EGFR: variants seen among roughly 807,000 people sequenced by gnomAD.
EGFR encodes epidermal growth factor receptor, also known as avian erythroblastic leukemia viral (v-erb-b) oncogene homolog.
A neutral mutation model predicts 143.0 loss-of-function variants in EGFR; 58 were observed. The observed-to-expected ratio is 0.41, with a 90% confidence interval of 0.33 to 0.50. The LOEUF (loss-of-function observed/expected upper bound fraction) is 0.50, where lower values mean the gene tolerates loss of function less well. EGFR is among the 20% of genes least tolerant of loss of function. The pLI, the probability that EGFR is intolerant of heterozygous loss-of-function variation, is 0.39. For missense variants in EGFR, 1,307 were observed against 1,579.0 expected, an observed-to-expected ratio of 0.83 and a Z score of 2.92; for synonymous variants, 613 against 594.4, an observed-to-expected ratio of 1.03 and a Z score of -0.45.
intron 16 of EGFR, among the ~76,000 whole-genome samples, chr7:55,171,749 G>A (rs1198189374): frequency 6.6e-6 from 1 of 152,216 alleles, no homozygotes; most frequent in Non-Finnish European, 1.5e-5. Flanking sequence ...AGGTTGAAAA[G>A]TCTTATTCAA....
At chr7:55,200,760 C>G (rs1015636241) in intron 24 of EGFR, 5 of 489,260 alleles carry the variant, frequency 1.0e-5, no homozygotes, top group Non-Finnish European at 1.9e-5. Flanking sequence ...TGACTCTCCA[C>G]TTCTTCGCAT....
intron 1 of EGFR, among the ~76,000 whole-genome samples, chr7:55,070,817 T>C (rs1789779241): frequency 6.6e-6 from 1 of 152,250 alleles, no homozygotes; most frequent in African/African-American, 2.4e-5. Flanking sequence ...ATTGCTGAGC[T>C]GTTAAATTTG....
intron 1 of EGFR, among the ~76,000 whole-genome samples, chr7:55,113,652 A>G (rs1792654226): frequency 6.6e-6 from 1 of 152,258 alleles, no homozygotes; most frequent in African/African-American, 2.4e-5. Context: ...ATCCAAAAGC[A>G]TAGCTTAGAA....
At chr7:55,192,134 C>T (rs149851020) in intron 21 of EGFR, among the ~76,000 whole-genome samples, 1 of 152,274 alleles carries the variant, frequency 6.6e-6, no homozygotes, top group African/African-American at 2.4e-5. Flanking sequence ...TGTTAGGTTT[C>T]AGTCTCTCCC....
chr7:55,110,075 T>A, intron 1 of EGFR: 1 of 456,650 alleles, frequency 2.2e-6, no homozygotes, highest in Non-Finnish European at 2.9e-6. Flanking sequence ...AGGGAAGAAG[T>A]GAGGAGATTC....
At chr7:55,130,864 G>C (rs1793791800) in intron 1 of EGFR, among the ~76,000 whole-genome samples, 2 of 152,232 alleles carry the variant, frequency 1.3e-5, no homozygotes, top group African/African-American at 4.8e-5. Context: ...ACGCATCCCT[G>C]TGTCCAGGCG....
intron 1 of EGFR, among the ~76,000 whole-genome samples, chr7:55,106,208 C>A (rs928088331): frequency 6.6e-6 from 1 of 152,212 alleles, no homozygotes. Context: ...ACAGTGCCTG[C>A]AATCCTGGAG....
At chr7:55,122,644 T>C (rs1793278159) in intron 1 of EGFR, among the ~76,000 whole-genome samples, 1 of 152,258 alleles carries the variant, frequency 6.6e-6, no homozygotes. Context: ...CTGTTCCCTT[T>C]GCCCTTTCTC....
chr7:55,181,181 G>A (rs1365492219), intron 19 of EGFR, 112 bp from the exon 20 acceptor site: 20 of 1,279,560 alleles, frequency 1.6e-5, no homozygotes, highest in African/African-American at 5.9e-5. Context: ...CCATGAGTAC[G>A]TATTTTGAAA....
chr7:55,152,396 G>C (rs750033984), intron 5 of EGFR, 150 bp from the exon 6 acceptor site: 5 of 800,316 alleles, frequency 6.2e-6, no homozygotes, highest in Non-Finnish European at 1.1e-5. Context: ...TCAGAAAAGG[G>C]CATGGTTTGA....
intron 1 of EGFR, among the ~76,000 whole-genome samples, chr7:55,092,419 T>A (rs1791182042): frequency 6.6e-6 from 1 of 152,182 alleles, no homozygotes; most frequent in South Asian, 2.1e-4. Flanking sequence ...TGCACTTAAG[T>A]GGCCACATTC....
intron 1 of EGFR, among the ~76,000 whole-genome samples, chr7:55,126,722 G>A (rs1390624943): frequency 6.6e-6 from 1 of 152,176 alleles, no homozygotes; most frequent in East Asian, 1.9e-4. Flanking sequence ...TCCTTATTAG[G>A]TTGATTTCTG....
chr7:55,116,269 G>A (rs1792834594), intron 1 of EGFR, among the ~76,000 whole-genome samples: 1 of 152,166 alleles, frequency 6.6e-6, no homozygotes. Context: ...CTTCTGCTCT[G>A]GGGCCAGCTA....
At chr7:55,171,962 G>T (rs1786371238) in intron 16 of EGFR, among the ~76,000 whole-genome samples, 1 of 152,132 alleles carries the variant, frequency 6.6e-6, no homozygotes, top group African/African-American at 2.4e-5. Flanking sequence ...CCGCCCCCGA[G>T]TTGACAGCCA....
At chr7:55,153,077 T>G (rs1244199759) in intron 6 of EGFR, among the ~76,000 whole-genome samples, 3 of 152,184 alleles carry the variant, frequency 2.0e-5, no homozygotes, top group Admixed American at 2.0e-4. Flanking sequence ...CTCTAGAGAC[T>G]TGACACTGTG....
chr7:55,019,353 G>A lies in EGFR; in HGVS notation c.76G>A (p.Glu26Lys). Reference protein sequence around the residue: ...AALCPASRALEEKKVCQGTSN... With the variant: ...AALCPASRALKEKKVCQGTSN... Reference sequence around the variant, plus strand: ...GCTCTGCCCGGCGAGTCGGGCTCTGGAGGAAAAGAAAGGTAAGGGCGTGTC... The same window carrying A: ...GCTCTGCCCGGCGAGTCGGGCTCTGAAGGAAAAGAAAGGTAAGGGCGTGTC... Residue 26 changes from glutamate (E) to lysine (K), a missense_variant, in exon 1 of 28, where the codon GAG becomes AAG. Around this residue, in one of 7 missense-constraint regions of EGFR, gnomAD observed 65 missense variants for 37.8 expected, o/e 1.72. Coordinates refer to ENST00000275493, the MANE Select transcript of EGFR (RefSeq NM_005228.5). The A allele has an allele frequency of 6.6e-7, 1 of 1,512,870 alleles. No homozygotes were observed. The highest frequency in any genetic ancestry group is 8.9e-7 in the Non-Finnish European group (1 of 1,125,260). The allele number at this position is 1,512,870 out of a possible 1,614,324, so 93.7% of individuals were successfully genotyped here.
intron 1 of EGFR, among the ~76,000 whole-genome samples, chr7:55,061,614 G>GTC (rs1385383804): frequency 2.6e-5 from 3 of 113,784 alleles, no homozygotes; most frequent in African/African-American, 3.9e-5. Context: ...CTCCAGGGAT[G>GTC]TGTGTGTGTG....
At chr7:55,167,508 T>C (rs1203656968) in intron 15 of EGFR, among the ~76,000 whole-genome samples, 1 of 147,436 alleles carries the variant, frequency 6.8e-6, no homozygotes, top group African/African-American at 2.5e-5. Context: ...ACAATGGTGG[T>C]GGTGGTGATG....
At chr7:55,079,865 T>C (rs773447536) in intron 1 of EGFR, among the ~76,000 whole-genome samples, 1 of 152,210 alleles carries the variant, frequency 6.6e-6, no homozygotes, top group Non-Finnish European at 1.5e-5. Flanking sequence ...GGGGCATTTG[T>C]ATGTGCTGAG....
Sources: gnomAD v4.1 joint callset for allele counts (sites outside exome capture counted in the v4.1 genomes callset) on GRCh38, gnomAD v4.1.1 for gene constraint, gnomAD v4.1.1 regional missense constraint, MANE v1.5 for transcripts, NCBI Gene and HGNC (gene_info 2026-07-23, HGNC 2026-07-21) for gene names.